Variants in TBC1D13 observed in about 807,000 individuals in gnomAD.
TBC1D13 encodes the protein epididymis secretory sperm binding protein.
A neutral mutation model predicts 53.6 loss-of-function variants in TBC1D13; 40 were observed. The observed-to-expected ratio is 0.75, with a 90% CI of 0.58 to 0.97. TBC1D13 has a LOEUF of 0.97. TBC1D13 is among the 50% of genes least tolerant of loss of function. The pLI is 0.00. For synonymous variants in TBC1D13, 182 were observed against 197.7 expected, an observed-to-expected ratio of 0.92 and a Z score of 0.67; for missense variants, 377 against 499.4, an observed-to-expected ratio of 0.75 and a Z score of 2.34.
Position 128,797,174 on chromosome 9 carries a change from A to C in TBC1D13, c.503A>C (p.Lys168Thr), listed in dbSNP as rs1278922194. 2 of 1,614,042 alleles carry C rather than the reference A, an allele frequency of 1.2e-6. No individual in the cohort carries two copies. The highest frequency in any genetic ancestry group is 1.7e-6 in the Non-Finnish European group (2 of 1,179,990). Residue 168 changes from lysine (K) to threonine (T), a missense_variant, in exon 7 of 12, where the codon AAA becomes ACA. Coordinates refer to ENST00000372648, the MANE Select transcript of TBC1D13 (RefSeq NM_018201.5). ...LRKRVEQTTL[K>T]SQTVARNRSG... ...AAGAGAGTGGAACAGACAACACTGA[A>C]ATCTCAGACGGTGGCCCGGAACCGG...
rs11999937 is a variant in TBC1D13, at chr9:128,809,289, C to T, written c.*1410C>T. 0.052 allele frequency: 7,998 copies of T among 152,468 alleles called. 240 individuals carry two copies. The highest frequency in any genetic ancestry group is 0.1 in the East Asian group (541 of 5,174). The allele number at this position is 152,468 out of a possible 1,614,324, so 9.4% of individuals were successfully genotyped here. A position where few individuals can be genotyped will look rare whatever the true frequency, so the allele number is the denominator to read the frequency against. ...CTGAGCAGGGGCAGCTGGCCACTCC[C>T]AGTTCTCACCAAGTCACCTCCCTCC... is the stretch of plus-strand genomic sequence containing the variant. On this transcript the variant is annotated 3_prime_UTR_variant, in exon 12 of 12. Coordinates refer to ENST00000372648, the MANE Select transcript of TBC1D13 (RefSeq NM_018201.5).
rs768617993 is a variant in TBC1D13 at position 128,790,724 on chromosome 9, T to C, written c.98-11T>C. 6.5e-7 allele frequency: 1 copy of C among 1,547,878 alleles called. No individual in the cohort carries two copies. Among genetic ancestry groups the C allele is most frequent in the Admixed American group, 2.2e-5 (1 of 44,566 alleles). On this transcript the variant is annotated splice_polypyrimidine_tract_variant and intron_variant, in intron 2 of 11. Transcript: ENST00000372648. ...GGCCTGGGGCATGACCTTTGCCTGCTGTGTCCACAGGCATCCCCTGTGAGG... is the reference window on the plus strand; with the variant it reads ...GGCCTGGGGCATGACCTTTGCCTGCCGTGTCCACAGGCATCCCCTGTGAGG...
Position 128,787,292 on chromosome 9 carries a change from G to T in TBC1D13, c.-62G>T, listed in dbSNP as rs1022666138. The stretch of plus-strand genomic sequence containing the variant: ...GTCCCTGGGGGGCGGCGGCGGCGGC[G>T]GCAGCGCAGGCGGCAGAGGCGCAGG... On this transcript the variant is annotated 5_prime_UTR_variant, in exon 1 of 12. Transcript: ENST00000372648. The T allele has an allele frequency of 9.6e-6, 12 of 1,250,822 alleles. No homozygotes were observed. Among genetic ancestry groups the T allele is most frequent in the African/African-American group, 4.7e-5 (3 of 64,104 alleles). The allele number at this position is 1,250,822 out of a possible 1,614,324, so 77.5% of individuals were successfully genotyped here.
chr9:128,790,884 T>A, intron 3 of TBC1D13, 109 bp downstream of exon 3: 1 of 1,191,764 alleles, frequency 8.4e-7, no homozygotes, highest in Non-Finnish European at 1.2e-6. Context: ...CTTTCCTTGC[T>A]TGTCTGAGGG....
intron 7 of TBC1D13, among the ~76,000 whole-genome samples, chr9:128,801,006 A>G (rs1357860975): frequency 6.6e-6 from 1 of 152,106 alleles, no homozygotes; most frequent in Non-Finnish European, 1.5e-5. Context: ...TACTAAAAAT[A>G]CAAAACAACA....
At chr9:128,803,138 C>T (rs1829766191) in intron 7 of TBC1D13, 112 bp from the exon 8 acceptor site, 8 of 913,144 alleles carry the variant, frequency 8.8e-6, no homozygotes, top group East Asian at 5.1e-5. Context: ...ACTGCAGCCT[C>T]GACCACTGGG....
At position 128,804,010 on chromosome 9, in the gene TBC1D13, G is replaced by A. The variant is rs1391300754; in HGVS notation, c.809G>A (p.Arg270Gln). Residue 270 changes from arginine (R) to glutamine (Q), a missense_variant, in exon 9 of 12, where the codon CGG becomes CAG. Transcript: ENST00000372648. The part of the protein sequence containing the change: ...FCFTNLMAEI[R>Q]DNFIKSLDDS... Reference sequence around the variant, plus strand: ...TTCACCAACCTCATGGCCGAGATCCGGGACAACTTTATCAAGAGCCTGGAT... The same window carrying A: ...TTCACCAACCTCATGGCCGAGATCCAGGACAACTTTATCAAGAGCCTGGAT... 9.3e-6 allele frequency: 15 copies of A among 1,613,856 alleles called. No individual in the cohort carries two copies. Among genetic ancestry groups the A allele is most frequent in the African/African-American group, 1.3e-5 (1 of 74,916 alleles).
chr9:128,790,818 C>G (rs745474083), intron 3 of TBC1D13, 43 bp downstream of exon 3: 3 of 1,548,172 alleles, frequency 1.9e-6, no homozygotes, highest in Non-Finnish European at 2.6e-6. Context: ...CTGAGAGTCC[C>G]TGGGTTTTCC....
intron 6 of TBC1D13, among the ~76,000 whole-genome samples, chr9:128,796,008 AT>A (rs1417394938): frequency 1.3e-5 from 2 of 152,212 alleles, no homozygotes; most frequent in Non-Finnish European, 2.9e-5. Context: ...TACACATAAA[AT>A]GTGGGCATGT....
rs1829823194 is a variant in TBC1D13 at position 128,805,908 on chromosome 9, TG to T, written c.969del (p.Leu324CysfsTer38). On this transcript the variant is annotated frameshift_variant, in exon 10 of 12. Coordinates refer to ENST00000372648, the MANE Select transcript of TBC1D13 (RefSeq NM_018201.5). LOFTEE classifies it high-confidence loss of function. ...TTCTTTGCCTTCCGCTGGCTGACAC[TG>T]CTGCTGTCCCAGGAGTTCTTGCTGC... is the stretch of plus-strand genomic sequence containing the variant. The part of the protein sequence containing the change: ...PQFFAFRWLT[L>X]LLSQEFLLPD... The T allele has an allele frequency of 6.2e-7, 1 of 1,614,034 alleles. No individual in the cohort carries two copies. The highest frequency in any genetic ancestry group is 1.3e-5 in the African/African-American group (1 of 74,918).
rs1001432002 is a variant in TBC1D13, at chr9:128,809,981, T to C, written c.*2102T>C. 1 of 150,522 alleles carries C rather than the reference T, an allele frequency of 6.6e-6. No homozygotes were observed. The highest frequency in any genetic ancestry group is 2.4e-5 in the African/African-American group (1 of 41,372). The allele number at this position is 150,522 out of a possible 1,614,324, so 9.3% of individuals were successfully genotyped here. On this transcript the variant is annotated 3_prime_UTR_variant, in exon 12 of 12. Transcript: ENST00000372648. ...CCAGCAGACACTGCCCAGGACTCTTTAGTGCACTCACTCTTGTCTGCCCCC... is the reference window on the plus strand; with the variant it reads ...CCAGCAGACACTGCCCAGGACTCTTCAGTGCACTCACTCTTGTCTGCCCCC...
chr9:128,787,428 C>T (rs763133476), intron 1 of TBC1D13, 52 bp downstream of exon 1: 12 of 1,248,940 alleles, frequency 9.6e-6, no homozygotes, highest in Non-Finnish European at 1.2e-5. Context: ...CCAGGCTGCC[C>T]CTTCTGCCCC....
rs1410403320 is a variant in TBC1D13, at chr9:128,797,209, A to G, written c.538A>G (p.Thr180Ala). Reference protein sequence around the residue: ...QTVARNRSGVTNMSSPHKNSV... With the variant: ...QTVARNRSGVANMSSPHKNSV... ...GGTGGCCCGGAACCGGAGTGGGGTC[A>G]CAAATGTGAGTGCCAACCTGGGGTC... Residue 180 changes from threonine to alanine, a missense_variant, in exon 7 of 12, where the codon ACA (threonine) becomes GCA (alanine). Thr to Ala is a moderately conservative substitution (Grantham distance 58, BLOSUM62 0). Transcript: ENST00000372648. 1.2e-6 allele frequency: 2 copies of G among 1,613,988 alleles called. No homozygotes were observed. Among genetic ancestry groups the G allele is most frequent in the East Asian group, 2.2e-5 (1 of 44,876 alleles).
intron 9 of TBC1D13, 131 bp from the exon 10 acceptor site, chr9:128,805,728 C>G: frequency 9.7e-7 from 1 of 1,036,024 alleles, no homozygotes; most frequent in Non-Finnish European, 1.4e-6. Flanking sequence ...CAGCCTGGTG[C>G]CAGCCCTGGT....
intron 11 of TBC1D13, 108 bp from the exon 12 acceptor site, chr9:128,807,706 C>T (rs1286860946): frequency 8.7e-7 from 1 of 1,151,714 alleles, no homozygotes; most frequent in Non-Finnish European, 1.3e-6. Flanking sequence ...GTGCTCCTGC[C>T]CCTGAGGCCC....
In TBC1D13 at chr9:128,808,457, T is replaced by TGTGTGTG. The variant is rs1554796455; in HGVS notation, c.*578_*579insGTGTGTG. 4.7e-4 allele frequency: 24 copies of TGTGTGTG among 51,162 alleles called. No individual in the cohort carries two copies. The highest frequency in any genetic ancestry group is 1.3e-3 in the Admixed American group (6 of 4,680). 3.2% of individuals were successfully genotyped at this position (51,162 alleles called of 1,614,324 possible). A position where few individuals can be genotyped will look rare whatever the true frequency, so the allele number is the denominator to read the frequency against. ...TGTGTGTGTGTGTGTGTGTGTGTGTTAGGGAGTGAGGGTCTCTCAGGCCTC... is the reference window on the plus strand; with the variant it reads ...TGTGTGTGTGTGTGTGTGTGTGTGTTGTGTGTGAGGGAGTGAGGGTCTCTCAGGCCTC... On this transcript the variant is annotated 3_prime_UTR_variant, in exon 12 of 12. Coordinates refer to ENST00000372648, the MANE Select transcript of TBC1D13 (RefSeq NM_018201.5).
rs1829908448 is a variant in TBC1D13, at chr9:128,809,481, G to T, written c.*1602G>T. 1 of 152,250 alleles carries T rather than the reference G, an allele frequency of 6.6e-6. No individual in the cohort carries two copies. Among genetic ancestry groups the T allele is most frequent in the Non-Finnish European group, 1.5e-5 (1 of 68,058 alleles). 9.4% of individuals were successfully genotyped at this position (152,250 alleles called of 1,614,324 possible). ...CCAAGCCCGGCTTTGGGCCAGGAAA[G>T]GCTTCCCCAGGTGGCTCTTCTACCA... is the stretch of plus-strand genomic sequence containing the variant. On this transcript the variant is annotated 3_prime_UTR_variant, in exon 12 of 12. Transcript: ENST00000372648.
intron 10 of TBC1D13, 83 bp downstream of exon 10, chr9:128,806,102 T>C: frequency 1.3e-6 from 2 of 1,580,726 alleles, no homozygotes; most frequent in Non-Finnish European, 1.7e-6. Flanking sequence ...CCCCGAAGGG[T>C]GGGCAGGGCT....
chr9:128,810,328 A>G lies in TBC1D13; in HGVS notation c.*2449A>G, dbSNP rs771772004. On this transcript the variant is annotated 3_prime_UTR_variant, in exon 12 of 12. Coordinates refer to ENST00000372648, the MANE Select transcript of TBC1D13 (RefSeq NM_018201.5). ...ATGAATTCAGCGGGTCTCACTCCAGAGGGTCAGAACGTTTGCTTTAGTTTT... is the reference window on the plus strand; with the variant it reads ...ATGAATTCAGCGGGTCTCACTCCAGGGGGTCAGAACGTTTGCTTTAGTTTT... 1 of 152,182 alleles carries G rather than the reference A, an allele frequency of 6.6e-6. No individual in the cohort carries two copies. The highest frequency in any genetic ancestry group is 2.4e-5 in the African/African-American group (1 of 41,432). The allele number at this position is 152,182 out of a possible 1,614,324, so 9.4% of individuals were successfully genotyped here.
Sources: gnomAD v4.1 joint callset for allele counts (sites outside exome capture counted in the v4.1 genomes callset) on GRCh38, gnomAD v4.1.1 for gene constraint, MANE v1.5 for transcripts, NCBI Gene and HGNC (gene_info 2026-07-23, HGNC 2026-07-21) for gene names.